OPRM1: variants seen among roughly 807,000 people sequenced by gnomAD.
OPRM1 encodes the protein mu-type opioid receptor.
Under a neutral mutation model 31.8 loss-of-function variants are expected in OPRM1, and 27 were observed. That is an observed-to-expected ratio of 0.85 (90% CI 0.63 to 1.17). The LOEUF is 1.17. OPRM1 is among the 50% of genes most tolerant of loss of function. The pLI, the probability that OPRM1 is intolerant of heterozygous loss-of-function variation, is 0.00. For missense variants in OPRM1, 536 were observed against 511.1 expected, an observed-to-expected ratio of 1.05 and a Z score of -0.47; for synonymous variants, 196 against 189.9, an observed-to-expected ratio of 1.03 and a Z score of -0.26.
intron 3 of OPRM1, among the ~76,000 whole-genome samples, chr6:154,200,948 G>A (rs1248966805): frequency 1.3e-5 from 2 of 152,176 alleles, no homozygotes; most frequent in African/African-American, 4.8e-5. Context: ...GGAGGGACCT[G>A]ATGGGAGGTG....
At chr6:154,189,308 A>T (rs1226968429) in intron 3 of OPRM1, among the ~76,000 whole-genome samples, 2 of 152,248 alleles carry the variant, frequency 1.3e-5, no homozygotes, top group Non-Finnish European at 2.9e-5. Context: ...TGGTGGAACC[A>T]ATTTATAAAG....
intron 3 of OPRM1, among the ~76,000 whole-genome samples, chr6:154,166,377 T>C (rs931271532): frequency 1.3e-5 from 2 of 152,198 alleles, no homozygotes; most frequent in Admixed American, 1.3e-4. Flanking sequence ...CCTTTCTCCT[T>C]CTACTAATGA....
downstream of OPRM1, among the ~76,000 whole-genome samples, chr6:154,134,860 G>C (rs1471747078): frequency 6.6e-6 from 1 of 151,890 alleles, no homozygotes; most frequent in African/African-American, 2.4e-5. Flanking sequence ...ATTTGAGAAG[G>C]GAAAATGAGA....
At chr6:154,153,719 G>A (rs1047310336) in intron 3 of OPRM1, among the ~76,000 whole-genome samples, 1 of 151,206 alleles carries the variant, frequency 6.6e-6, no homozygotes, top group Non-Finnish European at 1.5e-5. Flanking sequence ...GAGGAGGCGA[G>A]GAGAGAAGGA....
intron 1 of OPRM1, among the ~76,000 whole-genome samples, chr6:154,041,785 T>C (rs757400566): frequency 7.4e-6 from 1 of 136,054 alleles, no homozygotes; most frequent in African/African-American, 3.8e-5. Flanking sequence ...GAAACAAAAA[T>C]ACCAAAGCAT....
intron 1 of OPRM1, among the ~76,000 whole-genome samples, chr6:154,068,096 C>T (rs1436706673): frequency 6.6e-6 from 1 of 152,026 alleles, no homozygotes; most frequent in Non-Finnish European, 1.5e-5. Context: ...TTTACTTAAT[C>T]CCATATATCT....
chr6:154,201,865 A>G (rs1222648121), intron 3 of OPRM1, among the ~76,000 whole-genome samples: 1 of 152,250 alleles, frequency 6.6e-6, no homozygotes, highest in Admixed American at 6.5e-5. Flanking sequence ...ATTGTACTCC[A>G]GCCTGGGCAA....
chr6:154,026,600 A>G (rs187580888), intron 1 of OPRM1, among the ~76,000 whole-genome samples: 21 of 152,236 alleles, frequency 1.4e-4, no homozygotes, highest in African/African-American at 2.2e-4. Context: ...GCTGTTTGCT[A>G]GATCCTGTAA....
At chr6:154,146,210 G>C (rs966741263) in intron 3 of OPRM1, among the ~76,000 whole-genome samples, 5 of 152,226 alleles carry the variant, frequency 3.3e-5, no homozygotes, top group African/African-American at 7.2e-5. Context: ...GACCAGCCTG[G>C]CTAACATGGT....
rs536560559 is a variant in OPRM1, at chr6:154,241,722, C to T, written c.1165-4971C>T. On this transcript the variant is annotated intron_variant, in intron 3 of 3. Transcript: ENST00000337049. ...CTCCTAACTGGCCTTCTGGCAGCTC[C>T]CTCACTCTCCAAAACATCCAATCTA... 5.3e-5 allele frequency among the ~76,000 whole-genome samples: 8 copies of T among 152,282 alleles called. 1 individual carries two copies. In the East Asian group the frequency reaches 1.2e-3, roughly 22 times the overall value.
Position 154,125,562 on chromosome 6 carries a change from A to G in OPRM1, c.*6841A>G, listed in dbSNP as rs981631747. ...GACAGTGGGGAAAATTCATCTTCAT[A>G]TTGTCACATGCACTGTAATAGGAAT... On this transcript the variant is annotated 3_prime_UTR_variant, in exon 4 of 4. Transcript: ENST00000330432. Among the ~76,000 whole-genome samples the G allele has an allele frequency of 7.2e-5, 11 of 152,178 alleles. No homozygotes were observed. Among genetic ancestry groups the G allele is most frequent in the African/African-American group, 2.7e-4 (11 of 41,434 alleles).
chr6:154,216,789 A>T (rs1778430519), intron 3 of OPRM1: 1 of 152,224 alleles, frequency 6.6e-6, no homozygotes, highest in South Asian at 2.1e-4. Flanking sequence ...AATCGCTTGA[A>T]CCCAGGAGGC....
intron 3 of OPRM1, among the ~76,000 whole-genome samples, chr6:154,138,840 A>T (rs1227444130): frequency 2.6e-5 from 4 of 152,084 alleles, no homozygotes; most frequent in African/African-American, 9.7e-5. Context: ...CAAGATTCTG[A>T]CCCTCCCTAA....
At chr6:154,091,938 T>A (rs926717168) in intron 3 of OPRM1, 5 of 986,504 alleles carry the variant, frequency 5.1e-6, no homozygotes, top group Non-Finnish European at 1.2e-6. Context: ...TGCAAGATAT[T>A]CACAGAAAAT....
intron 3 of OPRM1, among the ~76,000 whole-genome samples, chr6:154,231,397 G>T (rs1410697850): frequency 6.6e-6 from 1 of 152,182 alleles, no homozygotes; most frequent in Non-Finnish European, 1.5e-5. Context: ...CCACTTCTGG[G>T]ATCTGTCCTA....
chr6:154,047,353 G>C (rs1243457929), intron 1 of OPRM1, among the ~76,000 whole-genome samples: 1 of 152,286 alleles, frequency 6.6e-6, no homozygotes, highest in Middle Eastern at 3.4e-3. Flanking sequence ...ATGAAAAACA[G>C]TGAGTCAGAG....
intron 3 of OPRM1, among the ~76,000 whole-genome samples, chr6:154,227,902 T>G (rs957707802): frequency 2.0e-5 from 3 of 148,542 alleles, no homozygotes; most frequent in Non-Finnish European, 4.4e-5. Context: ...AAGCAGAAGC[T>G]TTTTTTTTAT....
chr6:154,163,520 C>A (rs1320460843), intron 3 of OPRM1, among the ~76,000 whole-genome samples: 3 of 152,070 alleles, frequency 2.0e-5, no homozygotes, highest in Non-Finnish European at 2.9e-5. Context: ...ATTTAATAGT[C>A]AATTATGTTT....
At chr6:154,051,430 T>G (rs186503773) in intron 1 of OPRM1, among the ~76,000 whole-genome samples, 1 of 152,344 alleles carries the variant, frequency 6.6e-6, no homozygotes, top group East Asian at 1.9e-4. Context: ...AATTTGGATC[T>G]AAATGATTCT....
Sources: allele counts gnomAD v4.1 joint callset (sites outside exome capture counted in the v4.1 genomes callset), GRCh38; gene constraint gnomAD v4.1.1; transcripts MANE v1.5; gene names NCBI Gene and HGNC (gene_info 2026-07-23, HGNC 2026-07-21).